Variants in GRIN2A observed in about 807,000 individuals in gnomAD.
The protein encoded by GRIN2A is glutamate ionotropic receptor NMDA type subunit 2A.
Under a neutral mutation model 113.4 loss-of-function variants are expected in GRIN2A, and 22 were observed. That is an observed-to-expected ratio of 0.19 (90% CI 0.14 to 0.28). GRIN2A has a LOEUF of 0.28. Ranked by LOEUF, GRIN2A falls within the 10% of genes least tolerant of loss-of-function variation. The pLI is 1.00. For synonymous variants in GRIN2A, 827 were observed against 738.4 expected (o/e 1.12, Z -1.94); for missense variants, 1,502 against 1,887.0 (o/e 0.80, Z 3.78).
At chr16:9,823,236 G>A (rs2042322139) in intron 9 of GRIN2A, among the ~76,000 whole-genome samples, 1 of 152,144 alleles carries the variant, frequency 6.6e-6, no homozygotes, top group Non-Finnish European at 1.5e-5. Context: ...CTGGATCTGA[G>A]TTCCAGAAAT....
intron 2 of GRIN2A, among the ~76,000 whole-genome samples, chr16:10,093,345 G>A (rs182956217): frequency 2.0e-5 from 3 of 152,260 alleles, no homozygotes; most frequent in Admixed American, 1.3e-4. Flanking sequence ...AATCATCATA[G>A]GCACATCCCA....
At chr16:10,168,217 G>A (rs1334960924) in intron 2 of GRIN2A, among the ~76,000 whole-genome samples, 3 of 152,172 alleles carry the variant, frequency 2.0e-5, no homozygotes, top group Admixed American at 1.3e-4. Flanking sequence ...ATATGTGTGT[G>A]TGAGTTGATA....
chr16:9,914,847 C>T (rs763160221), intron 3 of GRIN2A, among the ~76,000 whole-genome samples: 42 of 142,730 alleles, frequency 2.9e-4, no homozygotes, highest in Non-Finnish European at 5.3e-4. Context: ...CAGCAACATT[C>T]CCCACATGTG....
In GRIN2A at chr16:9,904,492, C is replaced by T. The variant is rs541619092; in HGVS notation, c.1008-13392G>A. 2.0e-5 allele frequency among the ~76,000 whole-genome samples: 3 copies of T among 152,284 alleles called. No individual in the cohort carries two copies. The East Asian group carries it at 5.8e-4, about 29-fold the overall frequency. On this transcript the variant is annotated intron_variant, in intron 3 of 12. Coordinates refer to ENST00000330684, the MANE Select transcript of GRIN2A (RefSeq NM_001134407.3). ...GTTCAAGCAATTCTCATGTCTCTGT[C>T]TCCCCAGTAGCTGGGATTACAGGTG...
chr16:10,170,271 T>C (rs1012977324), intron 2 of GRIN2A, among the ~76,000 whole-genome samples: 2 of 152,228 alleles, frequency 1.3e-5, no homozygotes, highest in African/African-American at 2.4e-5. Flanking sequence ...AGCCACATTA[T>C]GACTAAGTGA....
At chr16:10,012,320 C>A (rs35317587) in intron 2 of GRIN2A, among the ~76,000 whole-genome samples, 16,334 of 152,194 alleles carry the variant, frequency 0.11, 982 homozygotes, top group Middle Eastern at 0.16. Context: ...CTTCTCACAC[C>A]TTTTATACCT....
intron 11 of GRIN2A, among the ~76,000 whole-genome samples, chr16:9,776,281 T>A: frequency 3.1e-5 from 1 of 31,782 alleles, no homozygotes; most frequent in African/African-American, 7.3e-5. Flanking sequence ...ATCCTGGATT[T>A]TTTTTTTTTT....
At chr16:10,059,559 T>G (rs1260808630) in intron 2 of GRIN2A, among the ~76,000 whole-genome samples, 1 of 151,986 alleles carries the variant, frequency 6.6e-6, no homozygotes, top group African/African-American at 2.4e-5. Flanking sequence ...TCAAATTTGT[T>G]CTAAAAATTT....
At chr16:9,846,669 C>T (rs2042777467) in intron 5 of GRIN2A, among the ~76,000 whole-genome samples, 1 of 152,152 alleles carries the variant, frequency 6.6e-6, no homozygotes. Flanking sequence ...ACAAACTATA[C>T]ACTGTAAAGA....
intron 2 of GRIN2A, among the ~76,000 whole-genome samples, chr16:9,966,261 C>A (rs907539727): frequency 1.3e-5 from 2 of 152,132 alleles, no homozygotes; most frequent in Non-Finnish European, 2.9e-5. Flanking sequence ...CGACTCTCTT[C>A]CTCCTCCCAC....
At chr16:10,133,749 C>T (rs984125075) in intron 2 of GRIN2A, among the ~76,000 whole-genome samples, 2 of 152,176 alleles carry the variant, frequency 1.3e-5, no homozygotes, top group Admixed American at 1.3e-4. Flanking sequence ...AACTGTGGAC[C>T]TGTAAAACTA....
At chr16:10,080,686 G>A (rs2047961807) in intron 2 of GRIN2A, among the ~76,000 whole-genome samples, 1 of 152,166 alleles carries the variant, frequency 6.6e-6, no homozygotes, top group South Asian at 2.1e-4. Flanking sequence ...GTACAGATGA[G>A]CGCTACTTAA....
chr16:10,072,244 A>G (rs888037108), intron 2 of GRIN2A, among the ~76,000 whole-genome samples: 3 of 152,236 alleles, frequency 2.0e-5, no homozygotes, highest in African/African-American at 7.2e-5. Context: ...AGGTACGTGC[A>G]CATTCCATCC....
At chr16:10,012,514 C>A (rs73506633) in intron 2 of GRIN2A, among the ~76,000 whole-genome samples, 238 of 152,250 alleles carry the variant, frequency 1.6e-3, no homozygotes, top group African/African-American at 5.5e-3. Context: ...CTTGTTCAAT[C>A]GATTCTAAAA....
At chr16:9,976,821 A>G (rs2045782737) in intron 2 of GRIN2A, among the ~76,000 whole-genome samples, 1 of 152,196 alleles carries the variant, frequency 6.6e-6, no homozygotes, top group Non-Finnish European at 1.5e-5. Flanking sequence ...GGAAGCCACT[A>G]TCCATCCGGT....
intron 2 of GRIN2A, among the ~76,000 whole-genome samples, chr16:10,078,208 A>T (rs2047912707): frequency 1.3e-5 from 2 of 152,232 alleles, no homozygotes; most frequent in South Asian, 4.1e-4. Flanking sequence ...GGATTGAAAC[A>T]TCTTCATAAC....
intron 2 of GRIN2A, among the ~76,000 whole-genome samples, chr16:10,010,349 G>C (rs2046482813): frequency 6.6e-6 from 1 of 152,138 alleles, no homozygotes; most frequent in African/African-American, 2.4e-5. Flanking sequence ...CCACAGACAG[G>C]AAAAATAACT....
intron 3 of GRIN2A, among the ~76,000 whole-genome samples, chr16:9,898,252 C>G (rs1018067241): frequency 6.6e-6 from 1 of 151,996 alleles, no homozygotes; most frequent in Non-Finnish European, 1.5e-5. Context: ...TCCACCCTGT[C>G]ATATTTTCTA....
At chr16:10,140,409 G>C (rs2049301672) in intron 2 of GRIN2A, among the ~76,000 whole-genome samples, 2 of 152,086 alleles carry the variant, frequency 1.3e-5, no homozygotes. Flanking sequence ...AAAGAGAGTT[G>C]ACACATCCAG....
Sources: gnomAD v4.1 joint callset for allele counts (sites outside exome capture counted in the v4.1 genomes callset) on GRCh38, gnomAD v4.1.1 for gene constraint, MANE v1.5 for transcripts, NCBI Gene and HGNC (gene_info 2026-07-23, HGNC 2026-07-21) for gene names.